Variants in TFAP2E observed in about 807,000 individuals in gnomAD.
TFAP2E encodes transcription factor AP-2 epsilon.
Under a neutral mutation model 37.9 loss-of-function variants are expected in TFAP2E, and 30 were observed. That is an observed-to-expected ratio of 0.79 (90% CI 0.59 to 1.07). TFAP2E has a LOEUF of 1.07. TFAP2E is among the 50% of genes least tolerant of loss of function. TFAP2E has a pLI of 0.00. For synonymous variants in TFAP2E, 318 were observed against 295.8 expected (o/e 1.08, Z -0.77); for missense variants, 567 against 637.9 (o/e 0.89, Z 1.20).
intron 3 of TFAP2E, among the ~76,000 whole-genome samples, chr1:35,575,911 T>C (rs1160261582): frequency 1.3e-5 from 2 of 152,142 alleles, no homozygotes. Flanking sequence ...GACCAAGTAC[T>C]GGCCATGACA....
intron 3 of TFAP2E, among the ~76,000 whole-genome samples, chr1:35,581,517 C>G (rs548807204): frequency 6.6e-6 from 1 of 151,994 alleles, no homozygotes; most frequent in East Asian, 1.9e-4. Flanking sequence ...TGCATTCTCA[C>G]CAGCAATGTG....
At position 35,577,540 on chromosome 1, in the gene TFAP2E, C is replaced by T. The variant is rs1181757336; in HGVS notation, c.562+2540C>T. 1 of 434,608 alleles carries T rather than the reference C, an allele frequency of 2.3e-6. No homozygotes were observed. The highest frequency in any genetic ancestry group is 4.7e-6 in the Non-Finnish European group (1 of 212,100). The allele number at this position is 434,608 out of a possible 1,614,324, so 26.9% of individuals were successfully genotyped here. A position where few individuals can be genotyped will look rare whatever the true frequency, so the allele number is the denominator to read the frequency against. ...TTTGGCCACCTGAAGCGTCGGATCC[C>T]TACAGTGCCTCCCAGCCTGGGCGGG... On this transcript the variant is annotated intron_variant, in intron 3 of 6. Transcript: ENST00000373235. This position sits in a 1 kb window ranked among gnomAD's most constrained non-coding sequence, Gnocchi z 6.3.
At position 35,590,717 on chromosome 1, in the gene TFAP2E, C is replaced by T. The variant is rs1295942637; in HGVS notation, c.988C>T (p.Arg330Ter). ...CAAGGCAGCTGCCGAGTACCTGTGC[C>T]GACAGCACGCTGACCCGGGGGAGCT... is the stretch of plus-strand genomic sequence containing the variant. ...PAKAAAEYLC[R>*]QHADPGELHS... Residue 330 changes from arginine to a stop codon, truncating the protein, a stop_gained, in exon 6 of 7, where the codon CGA becomes TGA. Transcript: ENST00000373235. LOFTEE classifies it high-confidence loss of function. This position sits in a 1 kb window ranked among gnomAD's most constrained non-coding sequence, Gnocchi z 6.2. The T allele has an allele frequency of 3.9e-6, 6 of 1,552,874 alleles. No homozygotes were observed. Among genetic ancestry groups the T allele is most frequent in the African/African-American group, 1.4e-5 (1 of 73,524 alleles).
chr1:35,576,858 C>A (rs1256908491), intron 3 of TFAP2E, among the ~76,000 whole-genome samples: 1 of 152,158 alleles, frequency 6.6e-6, no homozygotes, highest in Non-Finnish European at 1.5e-5. Context: ...TGGAGCGGGG[C>A]GGGACGCGGC....
At position 35,573,725 on chromosome 1, in the gene TFAP2E, C is replaced by T. The variant is rs1301779747; in HGVS notation, c.27+121C>T. On this transcript the variant is annotated intron_variant, in intron 1 of 6. Coordinates refer to ENST00000373235, the MANE Select transcript of TFAP2E (RefSeq NM_178548.4). The surrounding 1 kb of genome is among the most constrained non-coding windows in gnomAD (Gnocchi z 5.9). ...CGGAGGGAGGGGGCCGCAGGGACTT[C>T]GCCAGCTGAGAACGCGATGCGCAAG... 5 of 1,449,210 alleles carry T rather than the reference C, an allele frequency of 3.5e-6. No individual in the cohort carries two copies. Among genetic ancestry groups the T allele is most frequent in the Middle Eastern group, 2.5e-4 (1 of 3,958 alleles). 89.8% of individuals were successfully genotyped at this position (1,449,210 alleles called of 1,614,324 possible). A position where few individuals can be genotyped will look rare whatever the true frequency, so the allele number is the denominator to read the frequency against.
At position 35,587,636 on chromosome 1, in the gene TFAP2E, C is replaced by CAAAAA. The variant is rs553131997; in HGVS notation, c.563-678_563-674dup. Among the ~76,000 whole-genome samples the CAAAAA allele has an allele frequency of 9.5e-3, 487 of 51,132 alleles. 12 individuals carry two copies. Among genetic ancestry groups the CAAAAA allele is most frequent in the African/African-American group, 0.028 (426 of 15,202 alleles). The allele number at this position is 51,132 out of a possible 152,430, so 33.5% of individuals were successfully genotyped here. On this transcript the variant is annotated intron_variant, in intron 3 of 6. Coordinates refer to ENST00000373235, the MANE Select transcript of TFAP2E (RefSeq NM_178548.4). The stretch of plus-strand genomic sequence containing the variant: ...CTGGTGACAGAGCGAGACTCCATCT[C>CAAAAA]AAAAAAAAAAAAAAAAAAAAGAAAG...
At chr1:35,589,228 G>A (rs1350911745) in intron 4 of TFAP2E, among the ~76,000 whole-genome samples, 1 of 148,938 alleles carries the variant, frequency 6.7e-6, no homozygotes, top group East Asian at 2.1e-4. Context: ...GTGTGTGTGT[G>A]TGTGTGTGAT....
At chr1:35,574,602 C>A in intron 2 of TFAP2E, 193 bp downstream of exon 2, 1 of 984,674 alleles carries the variant, frequency 1.0e-6, no homozygotes, top group South Asian at 1.9e-5. Context: ...GGCACTGAGT[C>A]CGCCAGCAGT....
In TFAP2E at chr1:35,590,739, A is replaced by G; in HGVS notation, c.1010A>G (p.Glu337Gly). Residue 337 changes from glutamate to glycine, a missense_variant, in exon 6 of 7, where the codon GAG becomes GGG. By Grantham distance (98) the Glu-to-Gly change is moderately conservative (BLOSUM62 -2). Around this residue, in one of 3 missense-constraint regions of TFAP2E, gnomAD observed 252 missense variants for 302.6 expected, o/e 0.83. Coordinates refer to ENST00000373235, the MANE Select transcript of TFAP2E (RefSeq NM_178548.4). The surrounding 1 kb of genome is among the most constrained non-coding windows in gnomAD (Gnocchi z 6.2). ...YLCRQHADPGELHSRKSMLLA... is the reference protein window; with the variant it reads ...YLCRQHADPGGLHSRKSMLLA... The stretch of plus-strand genomic sequence containing the variant: ...TGCCGACAGCACGCTGACCCGGGGG[A>G]GCTGCACAGCCGCAAGAGCATGCTG... 1 of 1,516,404 alleles carries G rather than the reference A, an allele frequency of 6.6e-7. No individual in the cohort carries two copies. The highest frequency in any genetic ancestry group is 8.9e-7 in the Non-Finnish European group (1 of 1,120,392). 93.9% of individuals were successfully genotyped at this position (1,516,404 alleles called of 1,614,324 possible). A position where few individuals can be genotyped will look rare whatever the true frequency, so the allele number is the denominator to read the frequency against.
At chr1:35,593,886 G>A (rs76114101) in intron 6 of TFAP2E, among the ~76,000 whole-genome samples, 3,090 of 152,316 alleles carry the variant, frequency 0.02, 91 homozygotes, top group East Asian at 0.062. Context: ...TTTCTTGTCC[G>A]TATGATGGGG....
In TFAP2E at chr1:35,574,432, T is replaced by G. The variant is rs951775900; in HGVS notation, c.510+23T>G. 5.0e-6 allele frequency: 7 copies of G among 1,386,706 alleles called. No homozygotes were observed. The African/African-American group carries it at 1.1e-4, about 21-fold the overall frequency. 85.9% of individuals were successfully genotyped at this position (1,386,706 alleles called of 1,614,324 possible). On this transcript the variant is annotated intron_variant, in intron 2 of 6. Coordinates refer to ENST00000373235, the MANE Select transcript of TFAP2E (RefSeq NM_178548.4). ...CAGGTGAGACCCGAGGGATCCGGGA[T>G]GGGTCGGGACTGGCCGCGGTGGTTT...
At position 35,590,135 on chromosome 1, in the gene TFAP2E, G is replaced by A; in HGVS notation, c.904+87G>A. 8.2e-7 allele frequency: 1 copy of A among 1,218,852 alleles called. No homozygotes were observed. 75.5% of individuals were successfully genotyped at this position (1,218,852 alleles called of 1,614,324 possible). A position where few individuals can be genotyped will look rare whatever the true frequency, so the allele number is the denominator to read the frequency against. On this transcript the variant is annotated intron_variant, in intron 5 of 6. Transcript: ENST00000373235. This position sits in a 1 kb window ranked among gnomAD's most constrained non-coding sequence, Gnocchi z 6.2. ...GACTGTCTCTAATGCAGGAGGGTGT[G>A]TTTAGTGGTGTGTGTGTATCCGTGT... is the stretch of plus-strand genomic sequence containing the variant.
At position 35,594,824 on chromosome 1, in the gene TFAP2E, G is replaced by A. The variant is rs140435202; in HGVS notation, c.*148G>A. 3 of 1,253,674 alleles carry A rather than the reference G, an allele frequency of 2.4e-6. No individual in the cohort carries two copies. Among genetic ancestry groups the A allele is most frequent in the African/African-American group, 3.0e-5 (2 of 65,804 alleles). 77.7% of individuals were successfully genotyped at this position (1,253,674 alleles called of 1,614,324 possible). On this transcript the variant is annotated 3_prime_UTR_variant, in exon 7 of 7. Transcript: ENST00000373235. ...CCAGAGATCCCAGAGTTGGGGATCT[G>A]GCTTGGAGTAAGGGAGGGTGGCCTC...
chr1:35,575,980 G>C (rs1252757074), intron 3 of TFAP2E, among the ~76,000 whole-genome samples: 1 of 152,234 alleles, frequency 6.6e-6, no homozygotes, highest in Non-Finnish European at 1.5e-5. Flanking sequence ...GAGAGTCAGA[G>C]GGGCCCAGGC....
In TFAP2E at chr1:35,573,574, C is replaced by T; in HGVS notation, c.-4C>T. On this transcript the variant is annotated 5_prime_UTR_variant, in exon 1 of 7. Transcript: ENST00000373235. This position sits in a 1 kb window ranked among gnomAD's most constrained non-coding sequence, Gnocchi z 5.9. ...CACGCCTCGCGCCCGGCACTCACCG[C>T]CCCATGCTGGTGCACACCTACTCCG... 6.5e-7 allele frequency: 1 copy of T among 1,532,968 alleles called. No individual in the cohort carries two copies. Among genetic ancestry groups the T allele is most frequent in the Non-Finnish European group, 8.8e-7 (1 of 1,140,526 alleles). The allele number at this position is 1,532,968 out of a possible 1,614,324, so 95.0% of individuals were successfully genotyped here. A position where few individuals can be genotyped will look rare whatever the true frequency, so the allele number is the denominator to read the frequency against.
In TFAP2E at chr1:35,574,248, C is replaced by A; in HGVS notation, c.349C>A (p.Leu117Met). The change falls in exon 2 of 7, where the codon CTG becomes ATG. Residue 117 changes from leucine to methionine, a missense_variant. By Grantham distance (15) the Leu-to-Met change is conservative. This residue lies in a region of TFAP2E where 312 missense variants were observed against 317.4 expected (regional missense o/e 0.98). Transcript: ENST00000373235. ...CGCCCACGAGGAGCCTCCCGGCCTG[C>A]TGGCACCGCCCGCCCGCGCCCTGGG... ...ARAHEEPPGL[L>M]APPARALGLD... The A allele has an allele frequency of 7.7e-7, 1 of 1,303,542 alleles. No individual in the cohort carries two copies. Among genetic ancestry groups the A allele is most frequent in the Non-Finnish European group, 9.8e-7 (1 of 1,020,890 alleles). The allele number at this position is 1,303,542 out of a possible 1,614,324, so 80.7% of individuals were successfully genotyped here.
intron 2 of TFAP2E, 135 bp downstream of exon 2, chr1:35,574,544 T>G: frequency 7.5e-7 from 1 of 1,328,314 alleles, no homozygotes. Context: ...ACTCCGAGGA[T>G]GTGTCCCACC....
At chr1:35,576,947 CGGG>C (rs1649193384) in intron 3 of TFAP2E, among the ~76,000 whole-genome samples, 1 of 66,504 alleles carries the variant, frequency 1.5e-5, no homozygotes, top group African/African-American at 6.0e-5. Context: ...CCAGCGCCAG[CGGG>C]ACCCCAGCGC....
rs1206243804 is a variant in TFAP2E, at chr1:35,586,743, G to A, written c.563-1587G>A. Among the ~76,000 whole-genome samples the A allele has an allele frequency of 2.6e-5, 4 of 152,224 alleles. No homozygotes were observed. In the East Asian group the frequency reaches 7.7e-4, roughly 29 times the overall value. On this transcript the variant is annotated intron_variant, in intron 3 of 6. Transcript: ENST00000373235. ...TGCAGAGGGTATCACAGAGGTTTCTGGCTGGGCTGCTGGGTGGAGGTGGGG... is the reference window on the plus strand; with the variant it reads ...TGCAGAGGGTATCACAGAGGTTTCTAGCTGGGCTGCTGGGTGGAGGTGGGG...
Sources: allele counts gnomAD v4.1 joint callset (sites outside exome capture counted in the v4.1 genomes callset), GRCh38; gene constraint gnomAD v4.1.1; regional missense constraint gnomAD v4.1.1; non-coding constraint Gnocchi (gnomAD v3.1); transcripts MANE v1.5; gene names NCBI Gene and HGNC (gene_info 2026-07-23, HGNC 2026-07-21).